Variants in CDC42EP4 observed in about 807,000 individuals in gnomAD.
CDC42EP4 encodes CDC42 effector protein (Rho GTPase binding) 4.
CDC42EP4 carries 6 observed loss-of-function variants against 5.6 expected under a neutral mutation model. The ratio of observed to expected loss-of-function variants is 1.07; its 90% CI spans 0.59 to 2.12. The LOEUF is 2.12. Ranked by LOEUF, CDC42EP4 falls within the 30% of genes most tolerant of loss-of-function variation. CDC42EP4 has a pLI of 0.00. For synonymous variants in CDC42EP4, 230 were observed against 224.2 expected (o/e 1.03, Z -0.23); for missense variants, 490 against 508.6 (o/e 0.96, Z 0.35).
intron 1 of CDC42EP4, among the ~76,000 whole-genome samples, chr17:73,293,354 G>A (rs1367022158): frequency 6.6e-6 from 1 of 152,184 alleles, no homozygotes; most frequent in Non-Finnish European, 1.5e-5. Context: ...TCTGGCGAAG[G>A]GGGACACAGT....
chr17:73,286,060 G>A lies in CDC42EP4; in HGVS notation c.441C>T (p.Ala147=). The A allele has an allele frequency of 6.2e-7, 1 of 1,613,954 alleles. No individual in the cohort carries two copies. The change falls in exon 2 of 2, where the codon GCC becomes GCT. Residue 147 remains alanine, a synonymous_variant. Transcript: ENST00000335793. This position sits in a 1 kb window ranked among gnomAD's most constrained non-coding sequence, Gnocchi z 7.7. ...KSLSSSPVKK[A]NDGEGGDEEA... is the part of the protein sequence containing the mutation. ...CCTCATCGCCGCCCTCCCCGTCATT[G>A]GCCTTCTTCACGGGGCTGGATGACA...
chr17:73,309,422 A>G (rs1412726082), intron 1 of CDC42EP4, among the ~76,000 whole-genome samples: 1 of 151,948 alleles, frequency 6.6e-6, no homozygotes, highest in African/African-American at 2.4e-5. Context: ...CCAGGTCAAC[A>G]CTCACTCCCC....
chr17:73,311,654 C>T (rs2062275952), intron 1 of CDC42EP4: 1 of 152,374 alleles, frequency 6.6e-6, no homozygotes, highest in African/African-American at 2.4e-5. Context: ...CTCCTCCACA[C>T]ATCCCGCTCT....
chr17:73,294,090 C>T (rs1362587016), intron 1 of CDC42EP4, among the ~76,000 whole-genome samples: 1 of 152,182 alleles, frequency 6.6e-6, no homozygotes, highest in Non-Finnish European at 1.5e-5. Context: ...GTGGCTCACA[C>T]CTGTAATCCC....
chr17:73,310,743 T>TCTCACACACA (rs1278137460), intron 1 of CDC42EP4: 1 of 134,540 alleles, frequency 7.4e-6, no homozygotes, highest in Non-Finnish European at 1.6e-5. Flanking sequence ...CCTCCCCCAG[T>TCTCACACACA]CACACACACA....
rs771682160 is a variant in CDC42EP4 at position 73,286,445 on chromosome 17, C to A, written c.56G>T (p.Arg19Leu). The change falls in exon 2 of 2, where the codon CGA (arginine) becomes CTA (leucine). Residue 19 changes from arginine (R) to leucine (L), a missense_variant. Physicochemically the swap from Arg to Leu is moderately radical, Grantham distance 102. Coordinates refer to ENST00000335793, the MANE Select transcript of CDC42EP4 (RefSeq NM_012121.5). This position sits in a 1 kb window ranked among gnomAD's most constrained non-coding sequence, Gnocchi z 7.7. The stretch of plus-strand genomic sequence containing the variant: ...GATCATCTCGGCCGTGAGGTCCGCT[C>A]GGGAACGGCGCTTGGAGTGCACCGA... ...SSSVHSKRRS[R>L]ADLTAEMISA... is the part of the protein sequence containing the mutation. 6.2e-7 allele frequency: 1 copy of A among 1,611,882 alleles called. No homozygotes were observed. Among genetic ancestry groups the A allele is most frequent in the Middle Eastern group, 1.7e-4 (1 of 6,044 alleles).
At chr17:73,288,102 C>T (rs1277887746) in intron 1 of CDC42EP4, among the ~76,000 whole-genome samples, 1 of 152,168 alleles carries the variant, frequency 6.6e-6, no homozygotes, top group African/African-American at 2.4e-5. Context: ...CAGGGCTCAG[C>T]TGGGACACAT....
At chr17:73,294,969 C>T (rs1173719789) in intron 1 of CDC42EP4, among the ~76,000 whole-genome samples, 1 of 147,692 alleles carries the variant, frequency 6.8e-6, no homozygotes, top group Admixed American at 7.0e-5. Flanking sequence ...CTACCACACC[C>T]GGCTAATTTT....
At chr17:73,293,386 T>C (rs1035920624) in intron 1 of CDC42EP4, among the ~76,000 whole-genome samples, 5 of 152,056 alleles carry the variant, frequency 3.3e-5, no homozygotes, top group Non-Finnish European at 7.4e-5. Context: ...AGGCCATGTT[T>C]TGGAGGTAGA....
intron 1 of CDC42EP4, among the ~76,000 whole-genome samples, chr17:73,296,128 G>A (rs961693701): frequency 6.6e-6 from 1 of 151,292 alleles, no homozygotes; most frequent in Non-Finnish European, 1.5e-5. Context: ...GCTCACGCCT[G>A]TAATCCCAGC....
At chr17:73,287,966 T>C (rs185226672) in intron 1 of CDC42EP4, among the ~76,000 whole-genome samples, 127 of 152,226 alleles carry the variant, frequency 8.3e-4, no homozygotes, top group Non-Finnish European at 3.1e-4. Flanking sequence ...TGCAGACCCC[T>C]TGATCCAATG....
At chr17:73,296,981 A>AT (rs2062189853) in intron 1 of CDC42EP4, among the ~76,000 whole-genome samples, 1 of 32,658 alleles carries the variant, frequency 3.1e-5, no homozygotes, top group Non-Finnish European at 8.0e-5. Flanking sequence ...ACTCCGTCTC[A>AT]AAAAAAAAAA....
chr17:73,283,792 A>T lies in CDC42EP4; in HGVS notation c.*1638T>A, dbSNP rs2062114865. 1 of 152,310 alleles carries T rather than the reference A, an allele frequency of 6.6e-6. No homozygotes were observed. The highest frequency in any genetic ancestry group is 6.5e-5 in the Admixed American group (1 of 15,286). The allele number at this position is 152,310 out of a possible 1,614,324, so 9.4% of individuals were successfully genotyped here. ...TGGGACCTAAGCTATTGGAAACAGG[A>T]GCACCAACAGGGCACCGAACCTGGA... On this transcript the variant is annotated 3_prime_UTR_variant, in exon 2 of 2. Coordinates refer to ENST00000335793, the MANE Select transcript of CDC42EP4 (RefSeq NM_012121.5).
intron 1 of CDC42EP4, among the ~76,000 whole-genome samples, chr17:73,294,497 A>T (rs1279427947): frequency 6.6e-6 from 1 of 152,168 alleles, no homozygotes; most frequent in Non-Finnish European, 1.5e-5. Context: ...TTCAAGATGG[A>T]AAGACCAAAT....
intron 1 of CDC42EP4, among the ~76,000 whole-genome samples, chr17:73,294,829 GAC>G (rs1303611084): frequency 1.3e-5 from 2 of 151,484 alleles, no homozygotes; most frequent in African/African-American, 4.9e-5. Context: ...TTTTTTTTGA[GAC>G]AGAGTTTCGC....
chr17:73,297,001 A>AAAAAAAAAACAAAAAAAAAAAAAAAACAC (rs547362762), intron 1 of CDC42EP4, among the ~76,000 whole-genome samples: 1 of 61,734 alleles, frequency 1.6e-5, no homozygotes. Context: ...AAAAAAAAAA[A>AAAAAAAAAACAAAAAAAAAAAAAAAACAC]AAATACACAA....
intron 1 of CDC42EP4, among the ~76,000 whole-genome samples, chr17:73,294,746 CCA>C (rs374824297): frequency 3.7e-4 from 56 of 151,956 alleles, no homozygotes; most frequent in African/African-American, 1.1e-3. Flanking sequence ...CACACACACA[CCA>C]CACACACACA....
At chr17:73,290,778 G>A (rs768905860) in intron 1 of CDC42EP4, among the ~76,000 whole-genome samples, 7 of 152,208 alleles carry the variant, frequency 4.6e-5, no homozygotes, top group Admixed American at 6.5e-5. Flanking sequence ...TGCGTTAAGG[G>A]TTTCAACGCC....
intron 1 of CDC42EP4, among the ~76,000 whole-genome samples, chr17:73,296,843 C>T (rs1193214467): frequency 1.0e-4 from 15 of 149,036 alleles, no homozygotes; most frequent in Non-Finnish European, 1.8e-4. Context: ...TAGCCAGGCG[C>T]GGTGAGGGGG....
Sources: allele counts gnomAD v4.1 joint callset (sites outside exome capture counted in the v4.1 genomes callset), GRCh38; gene constraint gnomAD v4.1.1; non-coding constraint Gnocchi (gnomAD v3.1); transcripts MANE v1.5; gene names NCBI Gene and HGNC (gene_info 2026-07-23, HGNC 2026-07-21).